Variants in CADPS2 observed in about 807,000 individuals in gnomAD.
The protein encoded by CADPS2 is calcium dependent secretion activator 2, also known as calcium-dependent secretion activator 2.
CADPS2 carries 93 observed loss-of-function variants against 172.5 expected under a neutral mutation model. The observed-to-expected ratio is 0.54, with a 90% confidence interval of 0.46 to 0.64. The LOEUF is 0.64. Among genes scored for constraint, CADPS2 ranks in the 30% least tolerant of loss-of-function variants. CADPS2 has a pLI of 0.00. For synonymous variants in CADPS2, 546 were observed against 555.2 expected (o/e 0.98, Z 0.23); for missense variants, 1,420 against 1,565.9 (o/e 0.91, Z 1.57).
At chr7:122,329,922 T>C (rs1315338563) in intron 28 of CADPS2, among the ~76,000 whole-genome samples, 1 of 152,188 alleles carries the variant, frequency 6.6e-6, no homozygotes, top group East Asian at 1.9e-4. Flanking sequence ...AAGGTAAAAA[T>C]AGCTGCTTCG....
chr7:122,548,652 CCAGTTATTTAAAAAGTGTTAGA>C (rs1468855036), intron 8 of CADPS2, among the ~76,000 whole-genome samples: 1 of 152,070 alleles, frequency 6.6e-6, no homozygotes, highest in Admixed American at 6.6e-5. Flanking sequence ...ATGAGCACCA[CCAGTTATTTAAAAAGTGTTAGA>C]CAGCATTAGA....
intron 9 of CADPS2, among the ~76,000 whole-genome samples, chr7:122,494,942 A>G (rs11983692): frequency 0.032 from 4,852 of 151,534 alleles, 233 homozygotes; most frequent in African/African-American, 0.11. Flanking sequence ...GTTAAAAGGT[A>G]TAATTGTGTG....
intron 1 of CADPS2, among the ~76,000 whole-genome samples, chr7:122,741,061 T>C (rs928554581): frequency 1.1e-4 from 17 of 152,088 alleles, no homozygotes; most frequent in South Asian, 6.2e-4. Context: ...TAATTCTTAA[T>C]TGCAAAAACA....
chr7:122,712,210 G>A (rs1020492485), intron 2 of CADPS2, among the ~76,000 whole-genome samples: 6 of 151,834 alleles, frequency 4.0e-5, no homozygotes, highest in East Asian at 3.9e-4. Context: ...TAAGATTTTC[G>A]AGGGCAGGAC....
chr7:122,668,444 CAA>C (rs2081418436), intron 2 of CADPS2, among the ~76,000 whole-genome samples: 1 of 149,010 alleles, frequency 6.7e-6, no homozygotes, highest in African/African-American at 2.5e-5. Flanking sequence ...AGAGTCAAGA[CAA>C]AATCTTCTGA....
intron 14 of CADPS2, among the ~76,000 whole-genome samples, chr7:122,455,746 A>T (rs1171465100): frequency 6.6e-6 from 1 of 152,104 alleles, no homozygotes; most frequent in East Asian, 1.9e-4. Context: ...TCCCTCTGTC[A>T]CCCAGGCTGG....
intron 1 of CADPS2, among the ~76,000 whole-genome samples, chr7:122,781,659 T>C (rs992274559): frequency 6.6e-6 from 1 of 152,186 alleles, no homozygotes; most frequent in South Asian, 2.1e-4. Context: ...GTCACCATCA[T>C]GTTCAGTTCT....
intron 7 of CADPS2, among the ~76,000 whole-genome samples, chr7:122,559,341 T>C (rs552838783): frequency 3.4e-4 from 52 of 152,254 alleles, no homozygotes; most frequent in African/African-American, 9.6e-4. Context: ...TTCCCCAAGC[T>C]TGGCTGTTCA....
rs527354070 is a variant in CADPS2 at position 122,700,072 on chromosome 7, T to C, written c.454-36503A>G. On this transcript the variant is annotated intron_variant, in intron 2 of 29. Coordinates refer to ENST00000449022, the MANE Select transcript of CADPS2 (RefSeq NM_017954.11). ...ACAATATGACATCAAAGCTAAAGGA[T>C]GGCATGTGGACTCACAAGCATAGTA... 2.1e-3 allele frequency among the ~76,000 whole-genome samples: 319 copies of C among 152,298 alleles called. 2 individuals carry two copies. Among genetic ancestry groups the C allele is most frequent in the Admixed American group, 4.4e-3 (68 of 15,286 alleles).
At chr7:122,640,585 C>A (rs567300393) in intron 3 of CADPS2, among the ~76,000 whole-genome samples, 27 of 151,040 alleles carry the variant, frequency 1.8e-4, no homozygotes, top group African/African-American at 6.3e-4. Context: ...TAGGGCATTA[C>A]AATTTAAAAT....
rs1554737007 is a variant in CADPS2, at chr7:122,705,941, A to AAT, written c.453+31012_453+31013dup. 2.1e-4 allele frequency among the ~76,000 whole-genome samples: 2 copies of AAT among 9,724 alleles called. 1 individual carries two copies. The highest frequency in any genetic ancestry group is 9.0e-4 in the African/African-American group (2 of 2,234). 6.4% of individuals were successfully genotyped at this position (9,724 alleles called of 152,430 possible). On this transcript the variant is annotated intron_variant, in intron 2 of 29. Coordinates refer to ENST00000449022, the MANE Select transcript of CADPS2 (RefSeq NM_017954.11). ...TAATATAATATATAATATATTATAT[A>AAT]ATATAATATATAATATATATATAAT...
At chr7:122,383,627 G>A (rs866226176) in intron 24 of CADPS2, among the ~76,000 whole-genome samples, 16 of 151,958 alleles carry the variant, frequency 1.1e-4, no homozygotes, top group African/African-American at 3.9e-4. Context: ...TAACCATTCA[G>A]GAATCCTTAC....
At chr7:122,747,400 C>A (rs954405789) in intron 1 of CADPS2, among the ~76,000 whole-genome samples, 1 of 152,084 alleles carries the variant, frequency 6.6e-6, no homozygotes, top group African/African-American at 2.4e-5. Flanking sequence ...CGCTTTTCTA[C>A]AAATAATTCC....
intron 25 of CADPS2, among the ~76,000 whole-genome samples, chr7:122,366,312 T>C (rs2040833010): frequency 6.6e-6 from 1 of 151,130 alleles, no homozygotes. Context: ...GATAATAAAA[T>C]AATACGAGGC....
chr7:122,612,547 A>G (rs1212839324), intron 6 of CADPS2, among the ~76,000 whole-genome samples: 1 of 152,088 alleles, frequency 6.6e-6, no homozygotes, highest in Non-Finnish European at 1.5e-5. Flanking sequence ...GAAGGTCTAA[A>G]TACATAGAAA....
intron 7 of CADPS2, among the ~76,000 whole-genome samples, chr7:122,562,808 T>G (rs1185352421): frequency 6.6e-6 from 1 of 152,152 alleles, no homozygotes; most frequent in African/African-American, 2.4e-5. Flanking sequence ...GTAAAAAATA[T>G]TTTGAAATGC....
chr7:122,721,890 C>A (rs185078598), intron 2 of CADPS2, among the ~76,000 whole-genome samples: 2 of 152,166 alleles, frequency 1.3e-5, no homozygotes, highest in South Asian at 2.1e-4. Flanking sequence ...GTTCAATATA[C>A]GCGAATCAAT....
At chr7:122,436,275 T>C in intron 17 of CADPS2, 1 of 742,506 alleles carries the variant, frequency 1.3e-6, no homozygotes, top group Non-Finnish European at 1.9e-6. Flanking sequence ...AGCTTGCCTG[T>C]CAATCATGTC....
intron 2 of CADPS2, chr7:122,681,742 T>C (rs2083070535): frequency 3.7e-6 from 2 of 536,838 alleles, no homozygotes; most frequent in South Asian, 6.5e-5. Flanking sequence ...ATAATAATAA[T>C]AATAAAAGAA....
Sources: gnomAD v4.1 joint callset for allele counts (sites outside exome capture counted in the v4.1 genomes callset) on GRCh38, gnomAD v4.1.1 for gene constraint, MANE v1.5 for transcripts, NCBI Gene and HGNC (gene_info 2026-07-23, HGNC 2026-07-21) for gene names.